Variants in TESK2 observed in about 807,000 individuals in gnomAD.
TESK2 encodes dual specificity testis-specific protein kinase 2.
A neutral mutation model predicts 57.1 loss-of-function variants in TESK2; 39 were observed. The observed-to-expected ratio is 0.68, with a 90% CI of 0.53 to 0.89. TESK2 has a LOEUF of 0.89. Ranked by LOEUF, TESK2 falls within the 40% of genes least tolerant of loss-of-function variation. The pLI is 0.00. For missense variants in TESK2, 646 were observed against 732.1 expected, an observed-to-expected ratio of 0.88 and a Z score of 1.36; for synonymous variants, 249 against 267.9, an observed-to-expected ratio of 0.93 and a Z score of 0.69.
In TESK2 at chr1:45,344,929, C is replaced by T. The variant is rs1418379084; in HGVS notation, c.1627G>A (p.Glu543Lys). 6 of 1,614,114 alleles carry T rather than the reference C, an allele frequency of 3.7e-6. No individual in the cohort carries two copies. In the African/African-American group the frequency reaches 6.7e-5, roughly 18 times the overall value. Reference protein sequence around the residue: ...PCPAGASEEMEVEERPAGSTP... With the variant: ...PCPAGASEEMKVEERPAGSTP... ...GAGCCTGCTGGCCTTTCTTCTACCT[C>T]CATCTCCTCAGAAGCACCCGCAGGG... The change falls in exon 11 of 11, where the codon GAG (glutamate) becomes AAG (lysine). Residue 543 changes from glutamate to lysine, a missense_variant. Physicochemically the swap from Glu to Lys is moderately conservative, Grantham distance 56. Coordinates refer to ENST00000372086, the MANE Select transcript of TESK2 (RefSeq NM_007170.3).
At chr1:45,444,052 G>C (rs1651555233) in intron 2 of TESK2, among the ~76,000 whole-genome samples, 1 of 151,986 alleles carries the variant, frequency 6.6e-6, no homozygotes, top group African/African-American at 2.4e-5. Flanking sequence ...GGTGGCACAT[G>C]CCTGCAGTCC....
intron 2 of TESK2, among the ~76,000 whole-genome samples, chr1:45,456,803 G>A (rs1652128943): frequency 6.6e-6 from 1 of 152,160 alleles, no homozygotes; most frequent in African/African-American, 2.4e-5. Context: ...TGTGTTGATA[G>A]CTATTTGTAG....
At chr1:45,479,649 C>T (rs948462923) in intron 1 of TESK2, among the ~76,000 whole-genome samples, 1 of 151,874 alleles carries the variant, frequency 6.6e-6, no homozygotes, top group Admixed American at 6.6e-5. Flanking sequence ...AGAGAATAGC[C>T]TCCACACTTG....
At chr1:45,438,287 G>A (rs918131585) in intron 2 of TESK2, among the ~76,000 whole-genome samples, 3 of 152,192 alleles carry the variant, frequency 2.0e-5, no homozygotes, top group Non-Finnish European at 2.9e-5. Flanking sequence ...CCTGAGGTCA[G>A]GAGTTCGAGA....
chr1:45,400,606 T>C (rs1649557995), intron 3 of TESK2, among the ~76,000 whole-genome samples: 1 of 152,214 alleles, frequency 6.6e-6, no homozygotes, highest in South Asian at 2.1e-4. Context: ...CATTAACATG[T>C]TCCTTGGTGG....
At chr1:45,429,338 G>A (rs1291834677) in intron 2 of TESK2, among the ~76,000 whole-genome samples, 1 of 152,036 alleles carries the variant, frequency 6.6e-6, no homozygotes, top group East Asian at 1.9e-4. Context: ...AGAGGTTGCA[G>A]TGAGCCGAGA....
At chr1:45,483,001 C>T (rs1448735080) in intron 1 of TESK2, among the ~76,000 whole-genome samples, 4 of 150,194 alleles carry the variant, frequency 2.7e-5, no homozygotes, top group Non-Finnish European at 5.9e-5. Flanking sequence ...AAAAAATGTC[C>T]GGGCGCAGTA....
At chr1:45,435,530 C>G (rs1208932694) in intron 2 of TESK2, among the ~76,000 whole-genome samples, 1 of 142,170 alleles carries the variant, frequency 7.0e-6, no homozygotes, top group East Asian at 2.1e-4. Flanking sequence ...TCCCAAAGTA[C>G]TGGGATTATA....
intron 2 of TESK2, among the ~76,000 whole-genome samples, chr1:45,451,037 A>G (rs1280679994): frequency 6.6e-6 from 1 of 152,200 alleles, no homozygotes; most frequent in Non-Finnish European, 1.5e-5. Flanking sequence ...AACATACATA[A>G]TAAAGAATTA....
chr1:45,435,785 A>C (rs1175204251), intron 2 of TESK2, among the ~76,000 whole-genome samples: 1 of 151,246 alleles, frequency 6.6e-6, no homozygotes, highest in Non-Finnish European at 1.5e-5. Flanking sequence ...CCCAGGCTGG[A>C]GTGTACTGGT....
At chr1:45,457,104 T>C (rs1042417165) in intron 2 of TESK2, among the ~76,000 whole-genome samples, 3 of 152,172 alleles carry the variant, frequency 2.0e-5, no homozygotes, top group Admixed American at 6.5e-5. Context: ...TACAGGTGCA[T>C]GCCATTGTAC....
intron 1 of TESK2, among the ~76,000 whole-genome samples, chr1:45,467,391 C>T (rs540346955): frequency 6.6e-6 from 1 of 151,998 alleles, no homozygotes; most frequent in African/African-American, 2.4e-5. Flanking sequence ...GTCACCCAGA[C>T]TGGAGTACAG....
chr1:45,373,859 TC>T (rs1159929338), intron 4 of TESK2, among the ~76,000 whole-genome samples: 1 of 152,154 alleles, frequency 6.6e-6, no homozygotes, highest in Non-Finnish European at 1.5e-5. Flanking sequence ...AGACCCTCCT[TC>T]CATGGTCCTA....
In TESK2 at chr1:45,345,896, C is replaced by G. The variant is rs761480948; in HGVS notation, c.978G>C (p.Lys326Asn). Residue 326 changes from lysine to asparagine, a missense_variant, in exon 10 of 11, where the codon AAG (lysine) becomes AAC (asparagine). Transcript: ENST00000372086. ...TCTTACCCCTGGCTGTGGGCTGCAG[C>G]TTCCTATCCCTCTCCTGCTCTTCTT... ...LQEEEQERDR[K>N]LQPTARGLLE... The G allele has an allele frequency of 6.2e-7, 1 of 1,614,008 alleles. No homozygotes were observed. The highest frequency in any genetic ancestry group is 1.1e-5 in the South Asian group (1 of 91,068).
chr1:45,373,230 GA>G (rs1648275694), intron 4 of TESK2, among the ~76,000 whole-genome samples: 1 of 152,146 alleles, frequency 6.6e-6, no homozygotes, highest in Non-Finnish European at 1.5e-5. Flanking sequence ...GACTGACAAA[GA>G]GACTAGTTAA....
chr1:45,382,862 C>T (rs1648719422), intron 4 of TESK2, among the ~76,000 whole-genome samples: 1 of 151,928 alleles, frequency 6.6e-6, no homozygotes, highest in Non-Finnish European at 1.5e-5. Context: ...GAGTGAAACT[C>T]CGTCCCCCCA....
rs35561877 is a variant in TESK2 at position 45,436,478 on chromosome 1, CTTTTTTTTTTTTT to C, written c.223-14645_223-14633del. On this transcript the variant is annotated intron_variant, in intron 2 of 10. Transcript: ENST00000372086. ...GGGATCATGAGCCACCGTGCCTGGC[CTTTTTTTTTTTTT>C]TTTTTTTTTTTTTTTGAGACGGAGT... Among the ~76,000 whole-genome samples, 18 of 33,662 alleles carry C rather than the reference CTTTTTTTTTTTTT, an allele frequency of 5.3e-4. No individual in the cohort carries two copies. In the East Asian group the frequency reaches 0.012, roughly 23 times the overall value. The allele number at this position is 33,662 out of a possible 152,430, so 22.1% of individuals were successfully genotyped here.
intron 2 of TESK2, among the ~76,000 whole-genome samples, chr1:45,447,509 T>A (rs1422252667): frequency 6.6e-6 from 1 of 152,072 alleles, no homozygotes; most frequent in Non-Finnish European, 1.5e-5. Context: ...AGCTATCATA[T>A]CCTATGATAA....
chr1:45,424,170 A>G (rs989193022), intron 2 of TESK2, among the ~76,000 whole-genome samples: 4 of 152,238 alleles, frequency 2.6e-5, no homozygotes, highest in African/African-American at 9.6e-5. Context: ...AAACATGACA[A>G]CTTACTTAAA....
Sources: allele counts gnomAD v4.1 joint callset (sites outside exome capture counted in the v4.1 genomes callset), GRCh38; gene constraint gnomAD v4.1.1; transcripts MANE v1.5; gene names NCBI Gene and HGNC (gene_info 2026-07-23, HGNC 2026-07-21).